The following CLN8 variants were observed in gnomAD, a reference collection of about 807,000 sequenced individuals.
CLN8 encodes the protein CLN8 transmembrane ER and ERGIC protein, also known as protein CLN8.
In CLN8, 14 loss-of-function variants were observed where a neutral mutation model predicts 15.7. The observed-to-expected ratio is 0.89, with a 90% CI of 0.59 to 1.39. The LOEUF is 1.39. Ranked by LOEUF, CLN8 falls within the 40% of genes most tolerant of loss-of-function variation. CLN8 has a pLI of 0.00. For missense variants in CLN8, 415 were observed against 364.0 expected, an observed-to-expected ratio of 1.14 and a Z score of -1.14; for synonymous variants, 188 against 151.0, an observed-to-expected ratio of 1.25 and a Z score of -1.80.
intron 2 of CLN8, among the ~76,000 whole-genome samples, chr8:1,775,364 G>A (rs1801470200): frequency 6.6e-6 from 1 of 152,162 alleles, no homozygotes; most frequent in Non-Finnish European, 1.5e-5. Context: ...AGGATACTGA[G>A]GGTGACTGTA....
At chr8:1,765,717 T>A (rs1322397789) in intron 1 of CLN8, among the ~76,000 whole-genome samples, 1 of 152,220 alleles carries the variant, frequency 6.6e-6, no homozygotes, top group African/African-American at 2.4e-5. Context: ...ATAATAAGAT[T>A]GGTGAATATC....
intron 2 of CLN8, among the ~76,000 whole-genome samples, chr8:1,777,745 A>T (rs1801573844): frequency 6.6e-6 from 1 of 152,226 alleles, no homozygotes; most frequent in African/African-American, 2.4e-5. Context: ...CTTCAGGGGC[A>T]GTAACAGACA....
chr8:1,767,286 A>G (rs1269573419), intron 1 of CLN8, among the ~76,000 whole-genome samples: 3 of 152,210 alleles, frequency 2.0e-5, no homozygotes, highest in Non-Finnish European at 4.4e-5. Context: ...GGAAGTAAGC[A>G]TTCTGGTCTT....
chr8:1,780,532 G>C lies in CLN8; in HGVS notation c.826G>C (p.Gly276Arg). The change falls in exon 3 of 3, where the codon GGC (glycine) becomes CGC (arginine). Residue 276 changes from glycine to arginine, a missense_variant. Physicochemically the swap from Gly to Arg is moderately radical, Grantham distance 125. Transcript: ENST00000331222. ...GCCAGAAGCCAAGAGCAGGCCAGAA[G>C]GCAACGGGCAGCTGCTGCGGAAGAA... ...AQPEAKSRPE[G>R]NGQLLRKKRP 6.2e-7 allele frequency: 1 copy of C among 1,614,180 alleles called. No homozygotes were observed. Among genetic ancestry groups the C allele is most frequent in the Non-Finnish European group, 8.5e-7 (1 of 1,180,002 alleles).
chr8:1,761,582 C>T (rs867442124), upstream of CLN8, among the ~76,000 whole-genome samples: 1 of 152,214 alleles, frequency 6.6e-6, no homozygotes, highest in South Asian at 2.1e-4. Context: ...GCCTCGGCCT[C>T]CCAGAGTCCT....
chr8:1,755,657 C>G (rs955809687), upstream of CLN8: 8 of 152,336 alleles, frequency 5.3e-5, no homozygotes, highest in African/African-American at 1.9e-4. Context: ...CCTGGCCCAG[C>G]CTCTCCTGCG....
At chr8:1,769,932 A>G (rs994257122) in intron 1 of CLN8, among the ~76,000 whole-genome samples, 5 of 152,154 alleles carry the variant, frequency 3.3e-5, no homozygotes, top group Admixed American at 6.5e-5. Context: ...CACTTGTCCT[A>G]TGTGCACCCC....
At chr8:1,755,077 T>G (rs1177703607), upstream of CLN8, among the ~76,000 whole-genome samples, 1 of 152,054 alleles carries the variant, frequency 6.6e-6, no homozygotes, top group Non-Finnish European at 1.5e-5. Context: ...CCACTTCAGG[T>G]TGAGTCTATC....
At chr8:1,773,221 C>G (rs1436500958) in intron 2 of CLN8, among the ~76,000 whole-genome samples, 1 of 152,146 alleles carries the variant, frequency 6.6e-6, no homozygotes, top group East Asian at 1.9e-4. Context: ...GATGCGGACC[C>G]TCTGCAGGAG....
At chr8:1,756,242 G>T (rs182655893) in intron 1 of CLN8, among the ~76,000 whole-genome samples, 10 of 152,288 alleles carry the variant, frequency 6.6e-5, no homozygotes, top group African/African-American at 2.4e-4. Context: ...CTAGCACTTT[G>T]AGAGGCTGAG....
intron 2 of CLN8, among the ~76,000 whole-genome samples, chr8:1,772,056 C>T (rs369504299): frequency 6.6e-6 from 1 of 152,058 alleles, no homozygotes; most frequent in Non-Finnish European, 1.5e-5. Flanking sequence ...CTGCGTCAGC[C>T]TCCCTAGTAG....
chr8:1,780,537 C>T lies in CLN8; in HGVS notation c.831C>T (p.Asn277=), dbSNP rs200083273. 1.5e-5 allele frequency: 24 copies of T among 1,614,120 alleles called. No homozygotes were observed. Among genetic ancestry groups the T allele is most frequent in the Admixed American group, 1.3e-4 (8 of 60,028 alleles). The change falls in exon 3 of 3, where the codon AAC becomes AAT. Residue 277 remains asparagine, a synonymous_variant. Transcript: ENST00000331222. ...AAGCCAAGAGCAGGCCAGAAGGCAA[C>T]GGGCAGCTGCTGCGGAAGAAGAGGC... ...QPEAKSRPEG[N]GQLLRKKRP
At position 1,780,418 on chromosome 8, in the gene CLN8, C is replaced by T. The variant is rs1457206985; in HGVS notation, c.712C>T (p.Leu238=). The T allele has an allele frequency of 6.2e-7, 1 of 1,614,234 alleles. No homozygotes were observed. Among genetic ancestry groups the T allele is most frequent in the African/African-American group, 1.3e-5 (1 of 75,062 alleles). Residue 238 remains leucine, a synonymous_variant, in exon 3 of 3, where the codon CTG becomes TTG. Coordinates refer to ENST00000331222, the MANE Select transcript of CLN8 (RefSeq NM_018941.4). ...TCATTTGACACTGTTCCTTGTCGGA[C>T]TGGCTCTGCTTACGCTAATCATTAA... ...LPHLTLFLVG[L]ALLTLIINPY...
chr8:1,764,093 A>C (rs1383744381), intron 1 of CLN8, among the ~76,000 whole-genome samples: 1 of 148,160 alleles, frequency 6.7e-6, no homozygotes, highest in Non-Finnish European at 1.5e-5. Flanking sequence ...GCTGAGGGGG[A>C]ACCCAGATGG....
rs145458746 is a variant in CLN8, at chr8:1,768,338, G to A, written c.-123-2594G>A. Among the ~76,000 whole-genome samples, 259 of 152,268 alleles carry A rather than the reference G, an allele frequency of 1.7e-3. 1 individual carries two copies. Among genetic ancestry groups the A allele is most frequent in the African/African-American group, 5.6e-3 (233 of 41,548 alleles). The stretch of plus-strand genomic sequence containing the variant: ...TGGTTTTTGGTTCTCATGTCCTGGA[G>A]TCCCTCTCACCTTGACCAAACCAAA... On this transcript the variant is annotated intron_variant, in intron 1 of 2. Coordinates refer to ENST00000331222, the MANE Select transcript of CLN8 (RefSeq NM_018941.4).
chr8:1,771,295 G>A lies in CLN8; in HGVS notation c.241G>A (p.Gly81Ser), dbSNP rs1292829287. ...AVFGVQSTAA[G>S]LWALLGDPVL... is the part of the protein sequence containing the mutation. ...CTTTGGTGTTCAGAGCACAGCCGCA[G>A]GCCTGTGGGCTCTGCTGGGGGACCC... The change falls in exon 2 of 3, where the codon GGC becomes AGC. Residue 81 changes from glycine (G) to serine (S), a missense_variant. Transcript: ENST00000331222. 2 of 1,614,194 alleles carry A rather than the reference G, an allele frequency of 1.2e-6. No homozygotes were observed. The highest frequency in any genetic ancestry group is 2.2e-5 in the East Asian group (1 of 44,882).
intron 2 of CLN8, 129 bp from the exon 3 acceptor site, chr8:1,780,121 G>A (rs766151768): frequency 1.4e-5 from 22 of 1,542,618 alleles, no homozygotes; most frequent in Non-Finnish European, 1.9e-5. Context: ...GCCCTGGGGA[G>A]GAAATTCTTT....
rs146424314 is a variant in CLN8 at position 1,771,322 on chromosome 8, G to C, written c.268G>C (p.Val90Leu). ...CCTGTGGGCTCTGCTGGGGGACCCT[G>C]TGCTGCATGCCGACAAGGCGCGTGG... is the stretch of plus-strand genomic sequence containing the variant. ...AGLWALLGDP[V>L]LHADKARGQQ... Residue 90 changes from valine (V) to leucine (L), a missense_variant, in exon 2 of 3, where the codon GTG (valine) becomes CTG (leucine). Transcript: ENST00000331222. 2 of 1,614,070 alleles carry C rather than the reference G, an allele frequency of 1.2e-6. No homozygotes were observed. Among genetic ancestry groups the C allele is most frequent in the African/African-American group, 2.7e-5 (2 of 74,908 alleles).
At chr8:1,763,628 CCCCCCGCCGCGCCCCT>C (rs1800900473), upstream of CLN8, 2 of 27,498 alleles carry the variant, frequency 7.3e-5, 1 homozygote, top group East Asian at 3.3e-3. Flanking sequence ...CCGCGCCCCG[CCCCCCGCCGCGCCCCT>C]CCCGCGCCCG....
Sources: allele counts gnomAD v4.1 joint callset (sites outside exome capture counted in the v4.1 genomes callset), GRCh38; gene constraint gnomAD v4.1.1; transcripts MANE v1.5; gene names NCBI Gene and HGNC (gene_info 2026-07-23, HGNC 2026-07-21).